The following CDK13 variants were observed in gnomAD, a reference collection of about 807,000 sequenced individuals.
CDK13 encodes the protein cyclin dependent kinase 13.
Under a neutral mutation model 137.6 loss-of-function variants are expected in CDK13, and 40 were observed. The ratio of observed to expected loss-of-function variants is 0.29; its 90% confidence interval spans 0.23 to 0.38. The LOEUF is 0.38. Among genes scored for constraint, CDK13 ranks in the 10% least tolerant of loss-of-function variants. The pLI is 1.00. For missense variants in CDK13, 1,704 were observed against 1,951.8 expected, an observed-to-expected ratio of 0.87 and a Z score of 2.39; for synonymous variants, 869 against 760.1, an observed-to-expected ratio of 1.14 and a Z score of -2.36.
intron 2 of CDK13, among the ~76,000 whole-genome samples, chr7:39,997,132 A>G (rs922224272): frequency 2.0e-5 from 3 of 152,182 alleles, no homozygotes; most frequent in African/African-American, 2.4e-5. Context: ...TAGAAAAATT[A>G]TGAAGATACT....
intron 5 of CDK13, among the ~76,000 whole-genome samples, chr7:40,024,697 T>G (rs1194548302): frequency 1.4e-5 from 2 of 145,628 alleles, no homozygotes; most frequent in Non-Finnish European, 3.0e-5. Flanking sequence ...AGAGTCTTGC[T>G]CTTTTGTCCA....
intron 2 of CDK13, among the ~76,000 whole-genome samples, chr7:39,988,951 G>A (rs919028526): frequency 2.6e-5 from 4 of 151,748 alleles, no homozygotes; most frequent in African/African-American, 7.3e-5. Flanking sequence ...GGGCGCAGTG[G>A]CAGGTGCCTG....
At chr7:40,054,806 T>TA (rs1318358651) in intron 7 of CDK13, among the ~76,000 whole-genome samples, 1 of 152,238 alleles carries the variant, frequency 6.6e-6, no homozygotes, top group East Asian at 1.9e-4. Context: ...TTTTGTTTTC[T>TA]AATGTGTTAC....
At position 40,063,019 on chromosome 7, in the gene CDK13, T is replaced by C. The variant is rs1209154029; in HGVS notation, c.2703-4T>C. 1.9e-6 allele frequency: 3 copies of C among 1,613,362 alleles called. No individual in the cohort carries two copies. The Admixed American group carries it at 5.0e-5, about 27-fold the overall frequency. ...TTGGTAATGACGGGTATTTTTTCCA[T>C]TAGCTGTATCCTTGGCGAACTCTTC... On this transcript the variant is annotated splice_polypyrimidine_tract_variant and splice_region_variant and intron_variant, in intron 8 of 13. Transcript: ENST00000181839.
chr7:39,974,196 C>A (rs1037584861), intron 1 of CDK13, among the ~76,000 whole-genome samples: 23 of 151,796 alleles, frequency 1.5e-4, no homozygotes, highest in African/African-American at 5.3e-4. Context: ...AATACATTGA[C>A]TTTTTAGATT....
At chr7:39,965,987 G>T (rs547267430) in intron 1 of CDK13, among the ~76,000 whole-genome samples, 1 of 152,214 alleles carries the variant, frequency 6.6e-6, no homozygotes, top group Non-Finnish European at 1.5e-5. Flanking sequence ...TGAGAGATCA[G>T]CTGTTAGTCT....
At chr7:40,088,452 C>A in intron 12 of CDK13, 121 bp downstream of exon 12, 1 of 770,216 alleles carries the variant, frequency 1.3e-6, no homozygotes. Flanking sequence ...ATTCACTGAA[C>A]TAGACATTTC....
At position 40,095,292 on chromosome 7, in the gene CDK13, C is replaced by T. The variant is rs1225135518; in HGVS notation, c.*312C>T. ...CTTTTATGGCCCTCTTGCAGATCTTCTGAACTATGCACATTTGTGCTTTTT... is the reference window on the plus strand; with the variant it reads ...CTTTTATGGCCCTCTTGCAGATCTTTTGAACTATGCACATTTGTGCTTTTT... On this transcript the variant is annotated 3_prime_UTR_variant, in exon 14 of 14. Coordinates refer to ENST00000181839, the MANE Select transcript of CDK13 (RefSeq NM_003718.5). The T allele has an allele frequency of 5.5e-6, 1 of 181,846 alleles. No individual in the cohort carries two copies. Among genetic ancestry groups the T allele is most frequent in the African/African-American group, 2.3e-5 (1 of 42,640 alleles). 11.3% of individuals were successfully genotyped at this position (181,846 alleles called of 1,614,324 possible).
chr7:40,002,021 G>A lies in CDK13; in HGVS notation c.2343G>A (p.Lys781=). The change falls in exon 5 of 14, where the codon AAG becomes AAA. Residue 781 remains lysine, a synonymous_variant. Coordinates refer to ENST00000181839, the MANE Select transcript of CDK13 (RefSeq NM_003718.5). The part of the protein sequence containing the change: ...VTDKEDALDF[K]KDKGAFYLVF... ...ATAAAGAAGATGCTTTGGATTTCAA[G>A]AAGGACAAAGGTATGTGTGCATATT... 2 of 1,606,700 alleles carry A rather than the reference G, an allele frequency of 1.2e-6. No homozygotes were observed. The highest frequency in any genetic ancestry group is 1.7e-6 in the Non-Finnish European group (2 of 1,177,080).
intron 5 of CDK13, among the ~76,000 whole-genome samples, chr7:40,040,933 C>T (rs1213790384): frequency 6.6e-6 from 1 of 152,158 alleles, no homozygotes; most frequent in East Asian, 1.9e-4. Flanking sequence ...TCTTAAATCT[C>T]GAATTAAGTG....
At chr7:40,069,269 G>A (rs1266978260) in intron 9 of CDK13, 1 of 447,204 alleles carries the variant, frequency 2.2e-6, no homozygotes, top group Non-Finnish European at 4.5e-6. Context: ...AACATAAAAA[G>A]ATGCTTCAAT....
intron 5 of CDK13, among the ~76,000 whole-genome samples, chr7:40,042,751 A>G (rs544395364): frequency 2.7e-5 from 4 of 149,600 alleles, no homozygotes; most frequent in African/African-American, 9.8e-5. Context: ...AAGTGTTGGG[A>G]TTACAGGTGT....
At chr7:40,039,434 ATTTTT>A (rs976319927) in intron 5 of CDK13, among the ~76,000 whole-genome samples, 25 of 84,998 alleles carry the variant, frequency 2.9e-4, no homozygotes, top group Admixed American at 7.3e-4. Context: ...TGCCCGGCTA[ATTTTT>A]TTTTTTTTTT....
chr7:39,975,192 T>C (rs1463160722), intron 1 of CDK13, among the ~76,000 whole-genome samples: 1 of 151,794 alleles, frequency 6.6e-6, no homozygotes, highest in Non-Finnish European at 1.5e-5. Context: ...GGCAGGAGGG[T>C]CACTTGAACC....
chr7:40,046,347 A>G (rs192914741), intron 6 of CDK13, among the ~76,000 whole-genome samples: 1 of 152,308 alleles, frequency 6.6e-6, no homozygotes, highest in East Asian at 1.9e-4. Flanking sequence ...TATACAAACT[A>G]TGTAAAAATA....
chr7:40,003,206 A>ACTCT lies in CDK13; in HGVS notation c.2353+1192_2353+1195dup, dbSNP rs144732307. ...CACACACACACACACACACACACAC[A>ACTCT]CTCTCTCTCTCTCTCTCTCTTACTC... On this transcript the variant is annotated intron_variant, in intron 5 of 13. Transcript: ENST00000181839. 1.2e-3 allele frequency among the ~76,000 whole-genome samples: 95 copies of ACTCT among 79,894 alleles called. 1 individual carries two copies. Among genetic ancestry groups the ACTCT allele is most frequent in the East Asian group, 5.8e-3 (14 of 2,406 alleles). 52.4% of individuals were successfully genotyped at this position (79,894 alleles called of 152,430 possible).
intron 9 of CDK13, chr7:40,069,461 C>T (rs539143660): frequency 9.7e-6 from 3 of 307,836 alleles, no homozygotes; most frequent in Middle Eastern, 4.1e-4. Flanking sequence ...GTCCCATATG[C>T]TCTTAAGTTT....
At position 40,096,438 on chromosome 7, in the gene CDK13, T is replaced by A. The variant is rs1040741263; in HGVS notation, c.*1458T>A. 7.2e-5 allele frequency: 11 copies of A among 152,124 alleles called. No homozygotes were observed. The highest frequency in any genetic ancestry group is 2.7e-4 in the African/African-American group (11 of 41,442). 9.4% of individuals were successfully genotyped at this position (152,124 alleles called of 1,614,324 possible). On this transcript the variant is annotated 3_prime_UTR_variant, in exon 14 of 14. Transcript: ENST00000181839. ...CTCACTGTGTGCACACTCTCACACA[T>A]ACACACACAATTATACTAATTCTAG...
At chr7:40,058,390 G>C (rs1352171485) in intron 7 of CDK13, among the ~76,000 whole-genome samples, 1 of 151,866 alleles carries the variant, frequency 6.6e-6, no homozygotes, top group Non-Finnish European at 1.5e-5. Context: ...AGAAGTTAAG[G>C]GTAGCTGGGC....
Sources: allele counts gnomAD v4.1 joint callset (sites outside exome capture counted in the v4.1 genomes callset), GRCh38; gene constraint gnomAD v4.1.1; transcripts MANE v1.5; gene names NCBI Gene and HGNC (gene_info 2026-07-23, HGNC 2026-07-21).